DMPK: variants seen among roughly 807,000 people sequenced by gnomAD.
DMPK encodes the protein myotonin-protein kinase.
A neutral mutation model predicts 70.3 loss-of-function variants in DMPK; 32 were observed. The ratio of observed to expected loss-of-function variants is 0.46; its 90% CI spans 0.34 to 0.61. The LOEUF is 0.61. Among genes scored for constraint, DMPK ranks in the 20% least tolerant of loss-of-function variants. The probability of loss-of-function intolerance (pLI) is 0.01; values close to 1 mark genes in which losing one functional copy is unlikely to be tolerated. For missense variants in DMPK, 899 were observed against 886.0 expected, an observed-to-expected ratio of 1.01 and a Z score of -0.19; for synonymous variants, 469 against 390.9, an observed-to-expected ratio of 1.20 and a Z score of -2.36.
intron 14 of DMPK, 26 bp downstream of exon 14, chr19:45,770,945 A>G: frequency 7.1e-7 from 1 of 1,399,890 alleles, no homozygotes; most frequent in East Asian, 2.7e-5. Flanking sequence ...GCGACGGCGG[A>G]GGGGGGCGTG....
chr19:45,774,768 A>G (rs1969683693), intron 9 of DMPK, among the ~76,000 whole-genome samples, 181 bp downstream of exon 9: 1 of 152,204 alleles, frequency 6.6e-6, no homozygotes, highest in Admixed American at 6.5e-5. Flanking sequence ...TCAATCTAAC[A>G]TTTTGAAGTA....
Position 45,775,030 on chromosome 19 carries a change from G to C in DMPK, c.1151C>G (p.Thr384Arg). 6.2e-7 allele frequency: 1 copy of C among 1,613,532 alleles called. No individual in the cohort carries two copies. Among genetic ancestry groups the C allele is most frequent in the Non-Finnish European group, 8.5e-7 (1 of 1,179,808 alleles). ...LTAMVSGGGE[T>R]LSDIREGAPL... ...CGCACCTTCCCGAATGTCCGACAGTGTCTCCTGCGCAAGACACACAGATGT... is the reference window on the plus strand; with the variant it reads ...CGCACCTTCCCGAATGTCCGACAGTCTCTCCTGCGCAAGACACACAGATGT... The change falls in exon 9 of 15, where the codon ACA becomes AGA. Residue 384 changes from threonine to arginine, a missense_variant. By Grantham distance (71) the Thr-to-Arg change is moderately conservative. Transcript: ENST00000291270.
At chr19:45,773,922 C>T (rs1269153796) in intron 9 of DMPK, among the ~76,000 whole-genome samples, 1 of 151,578 alleles carries the variant, frequency 6.6e-6, no homozygotes, top group Non-Finnish European at 1.5e-5. Context: ...GGATTCCAAG[C>T]GTGAGCCACC....
At position 45,774,040 on chromosome 19, in the gene DMPK, T is replaced by C. The variant is rs111664796; in HGVS notation, c.1232+909A>G. 7.0e-4 allele frequency among the ~76,000 whole-genome samples: 101 copies of C among 143,676 alleles called. 1 individual carries two copies. Among genetic ancestry groups the C allele is most frequent in the African/African-American group, 2.5e-3 (96 of 38,548 alleles). The allele number at this position is 143,676 out of a possible 152,430, so 94.3% of individuals were successfully genotyped here. A position where few individuals can be genotyped will look rare whatever the true frequency, so the allele number is the denominator to read the frequency against. ...GGCACGATCTCAGCTCACCACAACC[T>C]CCCCCTCCTGGGTTCTGATTCTCCT... On this transcript the variant is annotated intron_variant, in intron 9 of 14. Transcript: ENST00000291270.
At chr19:45,772,412 G>A in intron 10 of DMPK, 1 of 436,396 alleles carries the variant, frequency 2.3e-6, no homozygotes, top group Non-Finnish European at 4.0e-6. Context: ...CCAGCGCTCA[G>A]CTCAAAGATC....
intron 1 of DMPK, chr19:45,780,195 T>A: frequency 2.1e-6 from 3 of 1,456,034 alleles, no homozygotes; most frequent in Non-Finnish European, 1.8e-6. Flanking sequence ...GAGAAGGAAA[T>A]AAGACCCAGT....
In DMPK at chr19:45,782,210, G is replaced by T. The variant is rs1970162215; in HGVS notation, c.143C>A (p.Ala48Asp). ...GCACTCACCCCACTGCAAGAAGTCGGCCACGTACTTGTCCTGGGCCAGTTC... is the reference window on the plus strand; with the variant it reads ...GCACTCACCCCACTGCAAGAAGTCGTCCACGTACTTGTCCTGGGCCAGTTC... The part of the protein sequence containing the change: ...ASELAQDKYV[A>D]DFLQWAEPIV... The change falls in exon 1 of 15, where the codon GCC (alanine) becomes GAC (aspartate). Residue 48 changes from alanine to aspartate, a missense_variant. By Grantham distance (126) the Ala-to-Asp change is moderately radical. Around this residue, in one of 3 missense-constraint regions of DMPK, gnomAD observed 149 missense variants for 142.5 expected, o/e 1.05. Transcript: ENST00000291270. 1 of 1,580,614 alleles carries T rather than the reference G, an allele frequency of 6.3e-7. No individual in the cohort carries two copies. The highest frequency in any genetic ancestry group is 8.6e-7 in the Non-Finnish European group (1 of 1,163,030).
At chr19:45,782,109 C>A in intron 1 of DMPK, 84 bp downstream of exon 1, 2 of 878,260 alleles carry the variant, frequency 2.3e-6, no homozygotes, top group Non-Finnish European at 3.1e-6. Context: ...ATCCTGCCCC[C>A]CCAACAGCCA....
Position 45,777,875 on chromosome 19 carries a change from T to C in DMPK, c.676-2A>G. 6.2e-7 allele frequency: 1 copy of C among 1,606,196 alleles called. No homozygotes were observed. On this transcript the variant is annotated splice_acceptor_variant, in intron 6 of 14. Coordinates refer to ENST00000291270, the MANE Select transcript of DMPK (RefSeq NM_004409.5). LOFTEE classifies it high-confidence loss of function. The surrounding 1 kb of genome is among the most constrained non-coding windows in gnomAD (Gnocchi z 6.7). ...GCCCACAGCCACCAGCGACCGCACC[T>C]GGACCAAAAGGAGCAGAGCGAGGCT...
intron 4 of DMPK, 168 bp downstream of exon 4, chr19:45,779,092 CAGAT>C: frequency 1.5e-6 from 1 of 667,120 alleles, no homozygotes; most frequent in Non-Finnish European, 2.7e-6. Context: ...ATCCCCGTCT[CAGAT>C]AGGGAAGGCC....
chr19:45,778,683 G>A (rs753607433), intron 4 of DMPK, 42 bp from the exon 5 acceptor site: 2 of 1,598,246 alleles, frequency 1.3e-6, no homozygotes, highest in Non-Finnish European at 1.7e-6. Flanking sequence ...GTCCCCTGAG[G>A]CCCTGATCCA....
intron 8 of DMPK, 33 bp from the exon 9 acceptor site, chr19:45,775,067 G>T (rs201243969): frequency 6.0e-5 from 94 of 1,565,178 alleles, no homozygotes; most frequent in Admixed American, 5.6e-4. Flanking sequence ...AGCAGCAGTC[G>T]TCAGGGCGGG....
chr19:45,772,715 C>T lies in DMPK; in HGVS notation c.1270G>A (p.Glu424Lys). 1 of 1,518,710 alleles carries T rather than the reference C, an allele frequency of 6.6e-7. No homozygotes were observed. The highest frequency in any genetic ancestry group is 1.5e-5 in the African/African-American group (1 of 68,380). 94.1% of individuals were successfully genotyped at this position (1,518,710 alleles called of 1,614,324 possible). A position where few individuals can be genotyped will look rare whatever the true frequency, so the allele number is the denominator to read the frequency against. ...EVPGPTPMEL[E>K]AEQLLEPHVQ... is the part of the protein sequence containing the mutation. The stretch of plus-strand genomic sequence containing the variant: ...TGTGGCTCAAGCAGCTGCTCGGCCT[C>T]CAGTTCCATGGGTGTGGGGCCTGGG... The change falls in exon 10 of 15, where the codon GAG becomes AAG. Residue 424 changes from glutamate (E) to lysine (K), a missense_variant. Physicochemically the swap from Glu to Lys is moderately conservative, Grantham distance 56. Around this residue, in one of 3 missense-constraint regions of DMPK, gnomAD observed 555 missense variants for 483.8 expected, o/e 1.15. Coordinates refer to ENST00000291270, the MANE Select transcript of DMPK (RefSeq NM_004409.5).
At chr19:45,779,931 G>A (rs746837426) in intron 1 of DMPK, 62 bp from the exon 2 acceptor site, 8 of 1,611,740 alleles carry the variant, frequency 5.0e-6, no homozygotes, top group Non-Finnish European at 6.8e-6. Context: ...AGACAAGGGG[G>A]AAAGCCCCAC....
rs763497515 is a variant in DMPK at position 45,779,878 on chromosome 19, G to T, written c.161-9C>A. 6.2e-6 allele frequency: 10 copies of T among 1,613,458 alleles called. No homozygotes were observed. Among genetic ancestry groups the T allele is most frequent in the African/African-American group, 1.3e-5 (1 of 74,932 alleles). On this transcript the variant is annotated splice_polypyrimidine_tract_variant and intron_variant, in intron 1 of 14. Coordinates refer to ENST00000291270, the MANE Select transcript of DMPK (RefSeq NM_004409.5). ...CACCACGATGGGCTCCGCTGGGGGG[G>T]TGGTGGGGGAAAAGAACCGAGGGTC...
intron 14 of DMPK, 117 bp downstream of exon 14, chr19:45,770,854 G>A (rs1969364702): frequency 3.0e-6 from 3 of 1,005,342 alleles, no homozygotes; most frequent in South Asian, 1.7e-5. Flanking sequence ...TTGGCTGCCC[G>A]AAGATCCGCC....
At position 45,770,593 on chromosome 19, in the gene DMPK, G is replaced by A. The variant is rs879128809; in HGVS notation, c.1785C>T (p.Ala595=). 1.6e-5 allele frequency: 25 copies of A among 1,552,622 alleles called. No homozygotes were observed. The highest frequency in any genetic ancestry group is 1.5e-4 in the South Asian group (13 of 84,142). Residue 595 remains alanine (A), a synonymous_variant, in exon 15 of 15, where the codon GCC becomes GCT. Coordinates refer to ENST00000291270, the MANE Select transcript of DMPK (RefSeq NM_004409.5). The stretch of plus-strand genomic sequence containing the variant: ...GGGCGGCGGCACGAGACAGAACAAC[G>A]GCGAACAGGAGCAGGGAAAGCGCCT... ...LSEALSLLLF[A]VVLSRAAALG... is the part of the protein sequence containing the mutation.
intron 9 of DMPK, 107 bp from the exon 10 acceptor site, chr19:45,772,859 G>A: frequency 1.8e-6 from 1 of 561,192 alleles, no homozygotes; most frequent in Non-Finnish European, 2.9e-6. Flanking sequence ...AAGACCTCCT[G>A]ATTTGAGGAA....
At chr19:45,771,294 A>C (rs761884259) in intron 13 of DMPK, 56 bp downstream of exon 13, 1 of 1,548,152 alleles carries the variant, frequency 6.5e-7, no homozygotes, top group Non-Finnish European at 8.7e-7. Context: ...GGAGCCAGGG[A>C]GGGGATCTGC....
Sources: gnomAD v4.1 joint callset for allele counts (sites outside exome capture counted in the v4.1 genomes callset) on GRCh38, gnomAD v4.1.1 for gene constraint, gnomAD v4.1.1 regional missense constraint, Gnocchi (gnomAD v3.1) non-coding constraint, MANE v1.5 for transcripts, NCBI Gene and HGNC (gene_info 2026-07-23, HGNC 2026-07-21) for gene names.